STARD10: variants seen among roughly 807,000 people sequenced by gnomAD.
STARD10 encodes the protein StAR related lipid transfer domain containing 10.
STARD10 carries 24 observed loss-of-function variants against 36.0 expected under a neutral mutation model. The observed-to-expected ratio is 0.67, with a 90% CI of 0.48 to 0.94. The LOEUF (loss-of-function observed/expected upper bound fraction) is 0.94. STARD10 is among the 40% of genes least tolerant of loss of function. The probability of loss-of-function intolerance (pLI) is 0.00; values close to 1 mark genes in which losing one functional copy is unlikely to be tolerated. For synonymous variants in STARD10, 156 were observed against 161.9 expected (o/e 0.96, Z 0.28); for missense variants, 335 against 396.6 (o/e 0.84, Z 1.32).
At chr11:72,775,589 A>C (rs1591268885) in intron 2 of STARD10, among the ~76,000 whole-genome samples, 1 of 152,096 alleles carries the variant, frequency 6.6e-6, no homozygotes, top group South Asian at 2.1e-4. Context: ...TCACCTGAAC[A>C]TTCCTCCTCC....
chr11:72,761,693 C>T (rs1024487211), intron 2 of STARD10, among the ~76,000 whole-genome samples: 2 of 151,706 alleles, frequency 1.3e-5, no homozygotes, highest in Non-Finnish European at 2.9e-5. Context: ...TTCCGTGAGC[C>T]GAGATCATGC....
chr11:72,781,966 G>T lies in STARD10; in HGVS notation c.-113-672C>A, dbSNP rs1321176805. The T allele has an allele frequency of 6.6e-6, 1 of 152,152 alleles. No individual in the cohort carries two copies. The highest frequency in any genetic ancestry group is 1.5e-5 in the Non-Finnish European group (1 of 68,038). 9.4% of individuals were successfully genotyped at this position (152,152 alleles called of 1,614,324 possible). A position where few individuals can be genotyped will look rare whatever the true frequency, so the allele number is the denominator to read the frequency against. Reference sequence around the variant, plus strand: ...TAGCGCCCGCCCCCGCCGGCCCTGGGAGGGGACCCTGCGCGCGAGGGGCAA... The same window carrying T: ...TAGCGCCCGCCCCCGCCGGCCCTGGTAGGGGACCCTGCGCGCGAGGGGCAA... On this transcript the variant is annotated intron_variant, in intron 1 of 6. Transcript: ENST00000334805. The surrounding 1 kb of genome is among the most constrained non-coding windows in gnomAD (Gnocchi z 4.7).
At chr11:72,770,374 C>T (rs12281672) in intron 2 of STARD10, among the ~76,000 whole-genome samples, 11,840 of 152,072 alleles carry the variant, frequency 0.078, 565 homozygotes, top group South Asian at 0.17. Flanking sequence ...TGTGCCATCG[C>T]GCCCGGCTAA....
chr11:72,756,029 G>T (rs781296358), intron 5 of STARD10: 5 of 309,600 alleles, frequency 1.6e-5, no homozygotes, highest in Non-Finnish European at 3.0e-5. Context: ...GGCTATACAT[G>T]GGTGGAAACT....
intron 2 of STARD10, 66 bp from the exon 3 acceptor site, chr11:72,759,447 A>C (rs1858688797): frequency 2.5e-6 from 4 of 1,578,538 alleles, no homozygotes; most frequent in Non-Finnish European, 3.5e-6. Flanking sequence ...GGGGACCAGA[A>C]GGCAGACAGG....
rs751656644 is a variant in STARD10 at position 72,754,931 on chromosome 11, C to G, written c.842G>C (p.Gly281Ala). Residue 281 changes from glycine (G) to alanine (A), a missense_variant, in exon 7 of 7, where the codon GGC becomes GCC. Transcript: ENST00000334805. ...SREERMGGAG[G>A]EGSDDDTSLT The stretch of plus-strand genomic sequence containing the variant: ...CGAGGTGTCGTCGTCGCTGCCCTCG[C>G]CGCCCGCGCCGCCCATCCGCTCCTC... 4 of 1,600,090 alleles carry G rather than the reference C, an allele frequency of 2.5e-6. No individual in the cohort carries two copies. Among genetic ancestry groups the G allele is most frequent in the Admixed American group, 3.4e-5 (2 of 59,548 alleles).
intron 3 of STARD10, 123 bp downstream of exon 3, chr11:72,759,111 A>G: frequency 4.1e-6 from 5 of 1,213,732 alleles, no homozygotes; most frequent in Non-Finnish European, 4.7e-6. Flanking sequence ...ATCTCTCAGC[A>G]CTCAAGTCTC....
At chr11:72,765,001 C>T (rs557421188) in intron 2 of STARD10, among the ~76,000 whole-genome samples, 78 of 152,346 alleles carry the variant, frequency 5.1e-4, no homozygotes, top group Middle Eastern at 3.4e-3. Context: ...GGTGCGGTGG[C>T]TCACTCCTGT....
intron 2 of STARD10, among the ~76,000 whole-genome samples, chr11:72,773,433 C>T (rs1169925755): frequency 1.3e-5 from 2 of 152,206 alleles, no homozygotes; most frequent in East Asian, 3.8e-4. Context: ...TGCCAGGAGA[C>T]AGCTGAGGAG....
At chr11:72,780,883 C>T in intron 2 of STARD10, 92 bp downstream of exon 2, 1 of 1,320,642 alleles carries the variant, frequency 7.6e-7, no homozygotes. Flanking sequence ...AGATATACAG[C>T]CAGGTGTCTA....
At position 72,783,618 on chromosome 11, in the gene STARD10, A is replaced by G. The variant is rs1029091207; in HGVS notation, c.-113-2324T>C. 26 of 153,246 alleles carry G rather than the reference A, an allele frequency of 1.7e-4. 1 individual carries two copies. The highest frequency in any genetic ancestry group is 5.3e-4 in the African/African-American group (22 of 41,576). The allele number at this position is 153,246 out of a possible 1,614,324, so 9.5% of individuals were successfully genotyped here. A position where few individuals can be genotyped will look rare whatever the true frequency, so the allele number is the denominator to read the frequency against. On this transcript the variant is annotated intron_variant, in intron 1 of 6. Coordinates refer to ENST00000334805, the MANE Select transcript of STARD10 (RefSeq NM_006645.3). ...CCAAAGGGGACCCCATTAGAGCCAA[A>G]GCCTGCTTTGCTTTGTGAACTGTAT...
chr11:72,756,364 C>T (rs900245118), intron 5 of STARD10, among the ~76,000 whole-genome samples: 2 of 152,132 alleles, frequency 1.3e-5, no homozygotes, highest in Admixed American at 6.5e-5. Flanking sequence ...CTCAAGGCTT[C>T]CCCATCCTCT....
At chr11:72,772,820 T>C (rs549863340) in intron 2 of STARD10, among the ~76,000 whole-genome samples, 2 of 152,306 alleles carry the variant, frequency 1.3e-5, no homozygotes, top group East Asian at 3.9e-4. Context: ...CTTTCTCAGC[T>C]TGTTGCTTTA....
intron 1 of STARD10, chr11:72,790,339 C>T (rs966135636): frequency 2.0e-5 from 3 of 146,910 alleles, no homozygotes; most frequent in South Asian, 4.4e-4. Flanking sequence ...ACGCTTACCT[C>T]GCCGTGGGGC....
chr11:72,760,620 C>T (rs937587824), intron 2 of STARD10, among the ~76,000 whole-genome samples: 1 of 152,176 alleles, frequency 6.6e-6, no homozygotes, highest in East Asian at 1.9e-4. Context: ...ACCCCCTCAC[C>T]AACAACTCTG....
intron 2 of STARD10, among the ~76,000 whole-genome samples, chr11:72,763,455 G>A (rs186321197): frequency 1.8e-4 from 27 of 152,280 alleles, no homozygotes; most frequent in African/African-American, 6.3e-4. Context: ...AGGACAAGTT[G>A]CTGTCAGGTG....
intron 1 of STARD10, among the ~76,000 whole-genome samples, chr11:72,786,310 C>A (rs1199885416): frequency 6.6e-6 from 1 of 151,996 alleles, no homozygotes; most frequent in Non-Finnish European, 1.5e-5. Flanking sequence ...TGAGATGTTG[C>A]CACAGCACTC....
At chr11:72,771,684 CCTGGACCTCCA>C (rs1392079740) in intron 2 of STARD10, among the ~76,000 whole-genome samples, 1 of 152,130 alleles carries the variant, frequency 6.6e-6, no homozygotes, top group Non-Finnish European at 1.5e-5. Flanking sequence ...CAGCAGCCTC[CCTGGACCTCCA>C]CCCCCACCTC....
chr11:72,781,870 G>C lies in STARD10; in HGVS notation c.-113-576C>G, dbSNP rs1859005374. The C allele has an allele frequency of 6.6e-6, 1 of 150,766 alleles. No individual in the cohort carries two copies. The highest frequency in any genetic ancestry group is 1.5e-5 in the Non-Finnish European group (1 of 67,394). 9.3% of individuals were successfully genotyped at this position (150,766 alleles called of 1,614,324 possible). Reference sequence around the variant, plus strand: ...CTCGGGGGCTCGGCGGCCGCGGCTCGGGATTTTCCAGGCTGCGGAGGTGAA... The same window carrying C: ...CTCGGGGGCTCGGCGGCCGCGGCTCCGGATTTTCCAGGCTGCGGAGGTGAA... On this transcript the variant is annotated intron_variant, in intron 1 of 6. Coordinates refer to ENST00000334805, the MANE Select transcript of STARD10 (RefSeq NM_006645.3). The surrounding 1 kb of genome is among the most constrained non-coding windows in gnomAD (Gnocchi z 4.7).
Sources: allele counts gnomAD v4.1 joint callset (sites outside exome capture counted in the v4.1 genomes callset), GRCh38; gene constraint gnomAD v4.1.1; non-coding constraint Gnocchi (gnomAD v3.1); transcripts MANE v1.5; gene names NCBI Gene and HGNC (gene_info 2026-07-23, HGNC 2026-07-21).